CMSS1: variants seen among roughly 807,000 people sequenced by gnomAD.
The protein encoded by CMSS1 is cms1 ribosomal small subunit homolog, also known as protein CMSS1.
In CMSS1, 33 loss-of-function variants were observed where a neutral mutation model predicts 43.5. That is an observed-to-expected ratio of 0.76 (90% confidence interval 0.57 to 1.01). The LOEUF is 1.01. Among genes scored for constraint, CMSS1 ranks in the 50% least tolerant of loss-of-function variants. The pLI is 0.00. For missense variants in CMSS1, 313 were observed against 326.4 expected (o/e 0.96, Z 0.32); for synonymous variants, 115 against 117.2 (o/e 0.98, Z 0.12).
chr3:99,939,565 T>A (rs756885673), intron 1 of CMSS1, among the ~76,000 whole-genome samples: 1 of 152,330 alleles, frequency 6.6e-6, no homozygotes, highest in Non-Finnish European at 1.5e-5. Flanking sequence ...TCCCAGATAT[T>A]AAACACAACT....
At chr3:99,880,334 A>G (rs1233069779) in intron 1 of CMSS1, among the ~76,000 whole-genome samples, 1 of 152,180 alleles carries the variant, frequency 6.6e-6, no homozygotes, top group Non-Finnish European at 1.5e-5. Flanking sequence ...ACTGTACTTA[A>G]AAGAGCCTTT....
intron 1 of CMSS1, among the ~76,000 whole-genome samples, chr3:99,927,245 TA>T (rs1332426601): frequency 6.6e-6 from 1 of 152,252 alleles, no homozygotes; most frequent in African/African-American, 2.4e-5. Context: ...AAATTAAATT[TA>T]AAAGCTTAAT....
At chr3:100,141,291 A>G (rs1414295104) in intron 1 of CMSS1, among the ~76,000 whole-genome samples, 11 of 152,224 alleles carry the variant, frequency 7.2e-5, no homozygotes, top group Non-Finnish European at 1.3e-4. Flanking sequence ...GACAAAAGTG[A>G]TTGCAAACCA....
At chr3:99,930,428 G>A (rs975186488) in intron 1 of CMSS1, among the ~76,000 whole-genome samples, 2 of 152,004 alleles carry the variant, frequency 1.3e-5, no homozygotes, top group African/African-American at 4.8e-5. Flanking sequence ...GTTCACTTGG[G>A]GTACAAAAGC....
chr3:99,885,142 C>G (rs1206572793), intron 1 of CMSS1, among the ~76,000 whole-genome samples: 12 of 152,182 alleles, frequency 7.9e-5, no homozygotes, highest in Non-Finnish European at 2.9e-5. Flanking sequence ...TGAACATAAT[C>G]AATTCTAATG....
rs1289304347 is a variant in CMSS1, at chr3:100,167,783, A to C, written c.461A>C (p.Lys154Thr). The C allele has an allele frequency of 1.9e-6, 3 of 1,613,450 alleles. No homozygotes were observed. The highest frequency in any genetic ancestry group is 1.3e-5 in the African/African-American group (1 of 74,928). The change falls in exon 6 of 10, where the codon AAA becomes ACA. Residue 154 changes from lysine (K) to threonine (T), a missense_variant. By Grantham distance (78) the Lys-to-Thr change is moderately conservative (BLOSUM62 -1). Transcript: ENST00000421999. ...CTTAGGAAGAACCACAGTGAGAAGA[A>C]ATCGGTCCTGATGCTGATCATCTGC... ...VKLRKNHSEK[K>T]SVLMLIICSS...
Position 100,021,830 on chromosome 3 carries a change from A to G in CMSS1, c.65-125143A>G, listed in dbSNP as rs183545027. On this transcript the variant is annotated intron_variant, in intron 1 of 9. Transcript: ENST00000421999. ...ATGATTAAAGAATAGATTATAATTCAATAGAACAGTGATTTGCTGGTTAAA... is the reference window on the plus strand; with the variant it reads ...ATGATTAAAGAATAGATTATAATTCGATAGAACAGTGATTTGCTGGTTAAA... 2.4e-4 allele frequency among the ~76,000 whole-genome samples: 37 copies of G among 152,202 alleles called. 1 individual carries two copies. In the South Asian group the frequency reaches 2.9e-3, roughly 12 times the overall value.
In CMSS1 at chr3:99,867,602, T is replaced by G. The variant is rs1944585476; in HGVS notation, c.64+49559T>G. 5.3e-5 allele frequency among the ~76,000 whole-genome samples: 8 copies of G among 152,302 alleles called. 1 individual carries two copies. In the South Asian group the frequency reaches 1.7e-3, roughly 32 times the overall value. On this transcript the variant is annotated intron_variant, in intron 1 of 9. Coordinates refer to ENST00000421999, the MANE Select transcript of CMSS1 (RefSeq NM_032359.4). ...CTTAACTATCTGACCTTACCTCATC[T>G]GCTTGTCACCTTAGCTGCAACATGG...
intron 1 of CMSS1, among the ~76,000 whole-genome samples, chr3:99,948,781 A>G (rs1708091447): frequency 6.6e-6 from 1 of 151,022 alleles, no homozygotes; most frequent in African/African-American, 2.5e-5. Context: ...AAAAAGAGAA[A>G]GGAAAGAAAA....
chr3:99,880,940 T>C (rs889378964), intron 1 of CMSS1, among the ~76,000 whole-genome samples: 4 of 151,974 alleles, frequency 2.6e-5, no homozygotes, highest in Non-Finnish European at 5.9e-5. Flanking sequence ...TTCTGAATCA[T>C]GTTAGTGGCT....
chr3:100,100,825 G>A (rs1433916778), intron 1 of CMSS1, among the ~76,000 whole-genome samples: 4 of 152,140 alleles, frequency 2.6e-5, no homozygotes, highest in African/African-American at 7.2e-5. Context: ...CTGTGGAGAA[G>A]GTGTCCTGGT....
rs1249862592 is a variant in CMSS1, at chr3:100,084,034, AAAT to A, written c.65-62929_65-62927del. 3.9e-5 allele frequency among the ~76,000 whole-genome samples: 6 copies of A among 152,154 alleles called. No individual in the cohort carries two copies. In the South Asian group the frequency reaches 1.2e-3, roughly 32 times the overall value. On this transcript the variant is annotated intron_variant, in intron 1 of 9. Transcript: ENST00000421999. ...ATTTGTGTTATTTCTTCCTTTCATA[AAAT>A]AATAATAATGCTTGTATTAAAATTT... is the stretch of plus-strand genomic sequence containing the variant.
chr3:100,062,554 T>C (rs1409587932), intron 1 of CMSS1, among the ~76,000 whole-genome samples: 2 of 152,108 alleles, frequency 1.3e-5, no homozygotes, highest in African/African-American at 2.4e-5. Flanking sequence ...GGCTCTGAAG[T>C]GCTTCTGTTT....
At chr3:100,173,926 A>T (rs1272483779) in intron 8 of CMSS1, among the ~76,000 whole-genome samples, 1 of 152,158 alleles carries the variant, frequency 6.6e-6, no homozygotes, top group African/African-American at 2.4e-5. Context: ...AACAACAGGG[A>T]TAGTAATAGT....
intron 1 of CMSS1, among the ~76,000 whole-genome samples, chr3:100,142,014 T>G (rs1314074219): frequency 6.6e-6 from 1 of 152,218 alleles, no homozygotes. Context: ...AGAAAAGCAG[T>G]TTCTTCTTTT....
At chr3:99,868,730 G>A (rs1944640675) in intron 1 of CMSS1, among the ~76,000 whole-genome samples, 1 of 152,080 alleles carries the variant, frequency 6.6e-6, no homozygotes, top group Admixed American at 6.6e-5. Flanking sequence ...TGAAGAATAA[G>A]TCTGCCATCT....
At chr3:100,114,645 A>G in intron 1 of CMSS1, 1 of 221,180 alleles carries the variant, frequency 4.5e-6, no homozygotes, top group Middle Eastern at 1.6e-3. Flanking sequence ...GGCTGAGAGT[A>G]GAAACTTCCC....
intron 1 of CMSS1, among the ~76,000 whole-genome samples, chr3:99,883,632 C>A (rs552459961): frequency 1.7e-3 from 266 of 152,232 alleles, no homozygotes; most frequent in African/African-American, 6.0e-3. Flanking sequence ...CAACTGCACA[C>A]CCAAATGTTG....
At chr3:99,836,585 T>G (rs1942907401) in intron 1 of CMSS1, among the ~76,000 whole-genome samples, 1 of 152,172 alleles carries the variant, frequency 6.6e-6, no homozygotes, top group Non-Finnish European at 1.5e-5. Context: ...CCATAGGTAC[T>G]TCTACATCCC....
Sources: gnomAD v4.1 joint callset for allele counts (sites outside exome capture counted in the v4.1 genomes callset) on GRCh38, gnomAD v4.1.1 for gene constraint, MANE v1.5 for transcripts, NCBI Gene and HGNC (gene_info 2026-07-23, HGNC 2026-07-21) for gene names.